The following ZNF790 variants were observed in gnomAD, a reference collection of about 807,000 sequenced individuals.
The protein encoded by ZNF790 is zinc finger protein 790.
A neutral mutation model predicts 12.1 loss-of-function variants in ZNF790; 8 were observed. The ratio of observed to expected loss-of-function variants is 0.66; its 90% CI spans 0.39 to 1.19. The LOEUF (loss-of-function observed/expected upper bound fraction) is 1.19. Ranked by LOEUF, ZNF790 falls within the 50% of genes most tolerant of loss-of-function variation. The probability of loss-of-function intolerance (pLI) is 0.01; values close to 1 mark genes in which losing one functional copy is unlikely to be tolerated. For synonymous variants in ZNF790, 252 were observed against 244.3 expected (o/e 1.03, Z -0.29); for missense variants, 707 against 752.2 (o/e 0.94, Z 0.70).
chr19:36,836,821 G>A (rs1287835197), intron 1 of ZNF790, among the ~76,000 whole-genome samples: 2 of 152,198 alleles, frequency 1.3e-5, no homozygotes, highest in African/African-American at 2.4e-5. Context: ...CATCCGGGAA[G>A]ATTGTGACCC....
chr19:36,830,785 AG>A (rs2071931065), intron 1 of ZNF790, among the ~76,000 whole-genome samples: 1 of 152,244 alleles, frequency 6.6e-6, no homozygotes. Flanking sequence ...CAGCTATTCC[AG>A]GAAAATCTAT....
intron 1 of ZNF790, among the ~76,000 whole-genome samples, chr19:36,845,815 G>A (rs1355746364): frequency 6.6e-6 from 1 of 150,894 alleles, no homozygotes; most frequent in African/African-American, 2.4e-5. Flanking sequence ...TTTTTTTGAG[G>A]GGGGTGGTGG....
intron 1 of ZNF790, among the ~76,000 whole-genome samples, chr19:36,845,602 C>A (rs1265482706): frequency 2.0e-5 from 3 of 151,948 alleles, no homozygotes; most frequent in African/African-American, 7.3e-5. Flanking sequence ...GGTCCTCTAG[C>A]AGTATTGGGG....
At chr19:36,824,059 C>T (rs1206103945) in intron 2 of ZNF790, among the ~76,000 whole-genome samples, 1 of 138,290 alleles carries the variant, frequency 7.2e-6, no homozygotes. Context: ...TGCGGTGGTG[C>T]AATCTCTGAT....
At chr19:36,824,020 A>G (rs775868286) in intron 2 of ZNF790, among the ~76,000 whole-genome samples, 3 of 104,088 alleles carry the variant, frequency 2.9e-5, no homozygotes, top group Non-Finnish European at 5.7e-5. Flanking sequence ...TTTTGAGACA[A>G]GAGTCTCGCT....
intron 1 of ZNF790, among the ~76,000 whole-genome samples, chr19:36,846,495 C>T (rs991782605): frequency 3.3e-5 from 5 of 151,872 alleles, no homozygotes; most frequent in African/African-American, 4.8e-5. Context: ...ACCCGGGAAG[C>T]GGAGGTTGCA....
chr19:36,829,460 G>A (rs894904091), intron 1 of ZNF790, among the ~76,000 whole-genome samples: 5 of 152,206 alleles, frequency 3.3e-5, no homozygotes, highest in Non-Finnish European at 7.3e-5. Flanking sequence ...GCATGAATCA[G>A]TACTTCATTC....
At position 36,818,471 on chromosome 19, in the gene ZNF790, CT is replaced by C; in HGVS notation, c.1872del (p.Ala625HisfsTer28). On this transcript the variant is annotated frameshift_variant, in exon 5 of 5. Transcript: ENST00000356725. LOFTEE classifies it low-confidence loss of function (END_TRUNC). The part of the protein sequence containing the change: ...EKSYEFKDFE[K>X]AFSSSSHFIS... Reference sequence around the variant, plus strand: ...ATGAAGTGAGAGCTTGAAGAAAATGCTTTCTCAAAATCTTTAAATTCATAGG... The same window carrying C: ...ATGAAGTGAGAGCTTGAAGAAAATGCTTCTCAAAATCTTTAAATTCATAGG... The C allele has an allele frequency of 6.4e-7, 1 of 1,566,164 alleles. No individual in the cohort carries two copies. Among genetic ancestry groups the C allele is most frequent in the Non-Finnish European group, 8.7e-7 (1 of 1,153,634 alleles).
At chr19:36,846,766 G>A (rs1187249167) in intron 1 of ZNF790, among the ~76,000 whole-genome samples, 1 of 152,190 alleles carries the variant, frequency 6.6e-6, no homozygotes, top group East Asian at 1.9e-4. Context: ...CGTTCATCAA[G>A]AGGCCAATTA....
At chr19:36,837,693 C>G (rs924146491) in intron 1 of ZNF790, 7 of 152,200 alleles carry the variant, frequency 4.6e-5, no homozygotes, top group Non-Finnish European at 7.3e-5. Flanking sequence ...CTTTTCCCCC[C>G]TCTCGTGGCT....
intron 1 of ZNF790, among the ~76,000 whole-genome samples, chr19:36,828,489 T>G (rs1346412484): frequency 2.0e-5 from 3 of 148,480 alleles, no homozygotes; most frequent in Non-Finnish European, 4.5e-5. Flanking sequence ...GAAAAAAAAA[T>G]TTTTAGGGAC....
intron 1 of ZNF790, among the ~76,000 whole-genome samples, chr19:36,836,236 C>T (rs1410256521): frequency 1.3e-5 from 2 of 152,112 alleles, no homozygotes; most frequent in African/African-American, 2.4e-5. Context: ...GCTTGTCAGC[C>T]TCCCGCTTTC....
chr19:36,824,893 T>C (rs1035758884), intron 2 of ZNF790, among the ~76,000 whole-genome samples: 2 of 152,218 alleles, frequency 1.3e-5, no homozygotes, highest in Non-Finnish European at 2.9e-5. Context: ...TAGTTTAAAC[T>C]GAGAGAATTC....
chr19:36,844,346 A>C (rs979722250), intron 1 of ZNF790, among the ~76,000 whole-genome samples: 8 of 150,474 alleles, frequency 5.3e-5, no homozygotes, highest in African/African-American at 9.9e-5. Context: ...AAAAAAAAAA[A>C]CCCAAAAAGC....
At chr19:36,823,214 G>T in intron 4 of ZNF790, 71 bp downstream of exon 4, 2 of 1,368,332 alleles carry the variant, frequency 1.5e-6, no homozygotes, top group South Asian at 1.2e-5. Context: ...CAGAGGTGTT[G>T]CTGCCTCACT....
chr19:36,829,974 A>G (rs1429909191), intron 1 of ZNF790, among the ~76,000 whole-genome samples: 2 of 152,166 alleles, frequency 1.3e-5, no homozygotes, highest in Non-Finnish European at 1.5e-5. Context: ...TATATAGAAA[A>G]TCATGCCATC....
upstream of ZNF790, among the ~76,000 whole-genome samples, chr19:36,841,685 C>A (rs539499454): frequency 2.0e-5 from 3 of 151,560 alleles, no homozygotes; most frequent in South Asian, 6.3e-4. Flanking sequence ...AGTTCAAGAC[C>A]AGCCTGTCCA....
At chr19:36,822,277 A>G (rs1446647187) in intron 4 of ZNF790, among the ~76,000 whole-genome samples, 1 of 152,090 alleles carries the variant, frequency 6.6e-6, no homozygotes, top group East Asian at 1.9e-4. Context: ...ATGAGGTTAA[A>G]AAAATTTTTT....
At chr19:36,823,179 A>T in intron 4 of ZNF790, 106 bp downstream of exon 4, 1 of 1,024,154 alleles carries the variant, frequency 9.8e-7, no homozygotes, top group Non-Finnish European at 1.5e-6. Context: ...TTTTGGTCTT[A>T]AGGGGATATT....
Sources: gnomAD v4.1 joint callset for allele counts (sites outside exome capture counted in the v4.1 genomes callset) on GRCh38, gnomAD v4.1.1 for gene constraint, MANE v1.5 for transcripts, NCBI Gene and HGNC (gene_info 2026-07-23, HGNC 2026-07-21) for gene names.